The following RARB variants were observed in gnomAD, a reference collection of about 807,000 sequenced individuals.
The protein encoded by RARB is HBV-activated protein.
In RARB, 17 loss-of-function variants were observed where a neutral mutation model predicts 51.9. The ratio of observed to expected loss-of-function variants is 0.33; its 90% CI spans 0.22 to 0.49. RARB has a LOEUF of 0.49. RARB is among the 20% of genes least tolerant of loss of function. The probability of loss-of-function intolerance (pLI) is 0.99; values close to 1 mark genes in which losing one functional copy is unlikely to be tolerated. For missense variants in RARB, 369 were observed against 550.8 expected (o/e 0.67, Z 3.30); for synonymous variants, 215 against 195.4 (o/e 1.10, Z -0.84).
rs80093810 is a variant in RARB, at chr3:25,087,211, C to A, written c.-328+27035C>A. Among the ~76,000 whole-genome samples the A allele has an allele frequency of 3.7e-3, 569 of 152,230 alleles. 20 individuals carry two copies. In the East Asian group the frequency reaches 0.08, roughly 21 times the overall value. ...CCAAAGGGAGGAAGGTATATTGAGG[C>A]CTGTCTGACCACCTATTCCTTTCAT... On this transcript the variant is annotated intron_variant, in intron 3 of 11. Transcript: ENST00000383772.
At chr3:24,870,929 C>G (rs373301816) in intron 2 of RARB, among the ~76,000 whole-genome samples, 1 of 151,922 alleles carries the variant, frequency 6.6e-6, no homozygotes, top group Non-Finnish European at 1.5e-5. Flanking sequence ...ATATACAGTA[C>G]GTTATTGTTG....
intron 3 of RARB, among the ~76,000 whole-genome samples, chr3:25,506,252 CAAAAAAA>C (rs35856686): frequency 1.9e-4 from 11 of 57,766 alleles, no homozygotes; most frequent in Non-Finnish European, 2.8e-4. Flanking sequence ...GACTCCATCT[CAAAAAAA>C]AAAAAAAAAA....
intron 2 of RARB, among the ~76,000 whole-genome samples, chr3:24,867,330 T>G (rs114956412): frequency 0.023 from 3,556 of 152,250 alleles, 79 homozygotes; most frequent in Middle Eastern, 0.058. Flanking sequence ...TAAGGGCAGT[T>G]TGAAGGCTAA....
chr3:24,832,650 T>TATATATATATATATATATATATATATAA (rs1276684176), intron 1 of RARB, among the ~76,000 whole-genome samples: 1 of 138,974 alleles, frequency 7.2e-6, no homozygotes, highest in Non-Finnish European at 1.6e-5. Flanking sequence ...TATATATATA[T>TATATATATATATATATATATATATATAA]AATGTCAATT....
At chr3:25,423,691 T>C (rs1319181379), upstream of RARB, among the ~76,000 whole-genome samples, 1 of 152,156 alleles carries the variant, frequency 6.6e-6, no homozygotes, top group Non-Finnish European at 1.5e-5. Flanking sequence ...TCTAGATTTA[T>C]AGGGAGTGAT....
chr3:25,303,492 G>A (rs1203957870), intron 5 of RARB, among the ~76,000 whole-genome samples: 7 of 152,124 alleles, frequency 4.6e-5, no homozygotes, highest in East Asian at 3.9e-4. Flanking sequence ...GGCCATGACC[G>A]ACTGAGTGCC....
At chr3:25,243,298 A>G (rs1221363296) in intron 5 of RARB, among the ~76,000 whole-genome samples, 1 of 152,090 alleles carries the variant, frequency 6.6e-6, no homozygotes, top group East Asian at 1.9e-4. Flanking sequence ...AATACCCTTT[A>G]TTTCTTCCTC....
chr3:25,413,406 G>A (rs550066684), intron 5 of RARB, among the ~76,000 whole-genome samples: 1 of 152,138 alleles, frequency 6.6e-6, no homozygotes, highest in Non-Finnish European at 1.5e-5. Flanking sequence ...TCTCCTTGGG[G>A]CTATTATGAT....
At chr3:25,172,743 A>G (rs915954078) in intron 4 of RARB, among the ~76,000 whole-genome samples, 1 of 152,214 alleles carries the variant, frequency 6.6e-6, no homozygotes, top group South Asian at 2.1e-4. Flanking sequence ...TTTTGATGTG[A>G]TAACAAATAT....
At chr3:25,007,871 A>G (rs1345702924) in intron 2 of RARB, among the ~76,000 whole-genome samples, 1 of 152,080 alleles carries the variant, frequency 6.6e-6, no homozygotes, top group Non-Finnish European at 1.5e-5. Flanking sequence ...AGATGATCAT[A>G]GTTTAATTCC....
chr3:25,431,550 A>G (rs1373806281), intron 1 of RARB, among the ~76,000 whole-genome samples: 1 of 152,086 alleles, frequency 6.6e-6, no homozygotes, highest in African/African-American at 2.4e-5. Context: ...TTCTGTTCAG[A>G]TGTCTCCAGG....
chr3:24,864,721 TA>T (rs1410775195), intron 2 of RARB, among the ~76,000 whole-genome samples: 1 of 69,600 alleles, frequency 1.4e-5, no homozygotes, highest in African/African-American at 8.4e-5. Flanking sequence ...ATTTTTTAAG[TA>T]TTTTTTTTAT....
intron 2 of RARB, among the ~76,000 whole-genome samples, chr3:24,973,929 G>A (rs1054362142): frequency 2.6e-5 from 4 of 151,936 alleles, no homozygotes; most frequent in Non-Finnish European, 5.9e-5. Context: ...TTTCCAATTT[G>A]GGTGCCCTTT....
At chr3:25,390,436 A>G (rs967138853) in intron 5 of RARB, among the ~76,000 whole-genome samples, 2 of 152,200 alleles carry the variant, frequency 1.3e-5, no homozygotes, top group Non-Finnish European at 2.9e-5. Context: ...ATTATGAGCA[A>G]TAAATTTCTG....
intron 3 of RARB, among the ~76,000 whole-genome samples, chr3:25,555,173 C>G (rs959049078): frequency 1.9e-4 from 29 of 152,154 alleles, no homozygotes; most frequent in African/African-American, 5.6e-4. Flanking sequence ...GCTACTCTAG[C>G]TTGTTTATTT....
At chr3:24,915,526 A>G (rs9827642) in intron 2 of RARB, among the ~76,000 whole-genome samples, 93,222 of 152,062 alleles carry the variant, frequency 0.61, 29,465 homozygotes, top group East Asian at 0.76. Context: ...AAGACTGCTC[A>G]TAAATTGCTA....
At chr3:25,378,038 A>G (rs1706516401) in intron 5 of RARB, among the ~76,000 whole-genome samples, 1 of 152,208 alleles carries the variant, frequency 6.6e-6, no homozygotes. Context: ...AAAATGGAAC[A>G]TAAGAGTTCA....
intron 3 of RARB, among the ~76,000 whole-genome samples, chr3:25,084,170 T>C (rs1038718215): frequency 3.3e-5 from 5 of 152,212 alleles, no homozygotes; most frequent in Non-Finnish European, 7.3e-5. Flanking sequence ...AGCAGTTCCG[T>C]GTTCCAGTTG....
chr3:25,068,294 G>A (rs1698703979), intron 3 of RARB, among the ~76,000 whole-genome samples: 1 of 147,848 alleles, frequency 6.8e-6, no homozygotes, highest in Non-Finnish European at 1.5e-5. Context: ...TCCTTCCCTT[G>A]CTCTTTTCTA....
Sources: allele counts gnomAD v4.1 joint callset (sites outside exome capture counted in the v4.1 genomes callset), GRCh38; gene constraint gnomAD v4.1.1; transcripts MANE v1.5; gene names NCBI Gene and HGNC (gene_info 2026-07-23, HGNC 2026-07-21).